Variants in COL4A2 observed in about 807,000 individuals in gnomAD.
COL4A2 encodes the protein collagen alpha-2(IV) chain.
A neutral mutation model predicts 200.2 loss-of-function variants in COL4A2; 99 were observed. That is an observed-to-expected ratio of 0.49 (90% confidence interval 0.42 to 0.58). The LOEUF (loss-of-function observed/expected upper bound fraction) is 0.58. Among genes scored for constraint, COL4A2 ranks in the 20% least tolerant of loss-of-function variants. The pLI, the probability that COL4A2 is intolerant of heterozygous loss-of-function variation, is 0.00. For missense variants in COL4A2, 1,950 were observed against 2,314.1 expected (o/e 0.84, Z 3.23); for synonymous variants, 897 against 900.6 (o/e 1.00, Z 0.07).
chr13:110,450,228 C>G, intron 19 of COL4A2, 77 bp from the exon 20 acceptor site: 1 of 1,302,880 alleles, frequency 7.7e-7, no homozygotes, highest in South Asian at 1.3e-5. Context: ...CCCCAGTGGG[C>G]CCCTCTGGAC....
chr13:110,506,702 G>A (rs895664681), intron 46 of COL4A2, 96 bp downstream of exon 46: 12 of 1,304,550 alleles, frequency 9.2e-6, no homozygotes, highest in African/African-American at 1.5e-5. Context: ...AACCCTCCAC[G>A]GCTGGTAAGT....
chr13:110,448,677 GAGA>G (rs1194024104), intron 18 of COL4A2, among the ~76,000 whole-genome samples: 3 of 152,006 alleles, frequency 2.0e-5, no homozygotes, highest in Admixed American at 6.6e-5. Flanking sequence ...CCAAACAAGT[GAGA>G]AGGTCTGTGG....
At chr13:110,481,638 T>A (rs374951982) in intron 31 of COL4A2, among the ~76,000 whole-genome samples, 14 of 79,476 alleles carry the variant, frequency 1.8e-4, no homozygotes, top group East Asian at 3.7e-4. Flanking sequence ...GGAGACACAC[T>A]GTTCTGTCCT....
At chr13:110,326,171 A>G (rs1885406040) in intron 3 of COL4A2, among the ~76,000 whole-genome samples, 1 of 152,216 alleles carries the variant, frequency 6.6e-6, no homozygotes, top group Admixed American at 6.5e-5. Flanking sequence ...CTCGGAGTTC[A>G]AATTCATCTC....
At chr13:110,386,416 G>T (rs1878753154) in intron 4 of COL4A2, among the ~76,000 whole-genome samples, 1 of 152,142 alleles carries the variant, frequency 6.6e-6, no homozygotes, top group African/African-American at 2.4e-5. Context: ...AAGTAGGATG[G>T]CTCCTGGGGA....
At position 110,474,656 on chromosome 13, in the gene COL4A2, TCA is replaced by T. The variant is rs202163642; in HGVS notation, c.2425+1511_2425+1512del. On this transcript the variant is annotated intron_variant, in intron 29 of 47. Coordinates refer to ENST00000360467, the MANE Select transcript of COL4A2 (RefSeq NM_001846.4). ...TACCTACACACGTGCCTATGCATGC[TCA>T]CACATGATCACACTCCTTACACACG... Among the ~76,000 whole-genome samples the T allele has an allele frequency of 5.8e-3, 881 of 151,206 alleles. 48 individuals carry two copies. Among genetic ancestry groups the T allele is most frequent in the African/African-American group, 0.018 (736 of 41,102 alleles).
rs1365329636 is a variant in COL4A2 at position 110,485,842 on chromosome 13, TG to T, written c.3207+9del. The T allele has an allele frequency of 1.5e-5, 25 of 1,613,176 alleles. No homozygotes were observed. The highest frequency in any genetic ancestry group is 2.0e-5 in the Non-Finnish European group (24 of 1,179,714). The stretch of plus-strand genomic sequence containing the variant: ...CAGGATTCATAGGAAGCCGGGTGAG[TG>T]GGCGTCTTTTACTCCCCTTGTTCTG... On this transcript the variant is annotated splice_region_variant and intron_variant, in intron 34 of 47. Transcript: ENST00000360467.
chr13:110,451,234 G>A (rs1036361185), intron 20 of COL4A2, among the ~76,000 whole-genome samples: 9 of 152,214 alleles, frequency 5.9e-5, no homozygotes, highest in African/African-American at 1.9e-4. Flanking sequence ...TGTTCTTTCA[G>A]CTTCAGCATT....
At chr13:110,475,725 G>A (rs377078474) in intron 29 of COL4A2, among the ~76,000 whole-genome samples, 2 of 152,176 alleles carry the variant, frequency 1.3e-5, no homozygotes, top group Non-Finnish European at 2.9e-5. Context: ...GCTTCCATTC[G>A]ACTGGCTGTG....
intron 4 of COL4A2, among the ~76,000 whole-genome samples, chr13:110,381,187 G>A (rs1013804438): frequency 6.8e-6 from 1 of 146,212 alleles, no homozygotes; most frequent in African/African-American, 2.6e-5. Context: ...TCACATCCTC[G>A]GTCTCTATCT....
chr13:110,400,774 A>G (rs1429149630), intron 4 of COL4A2, among the ~76,000 whole-genome samples: 2 of 152,234 alleles, frequency 1.3e-5, no homozygotes, highest in Non-Finnish European at 2.9e-5. Context: ...TGCTTCCTAT[A>G]GAGATTTCCT....
chr13:110,485,496 C>A (rs1352393726), intron 33 of COL4A2, among the ~76,000 whole-genome samples, 159 bp from the exon 34 acceptor site: 1 of 142,250 alleles, frequency 7.0e-6, no homozygotes, highest in East Asian at 2.1e-4. Context: ...GCACTCCAGC[C>A]TGGGCGACAG....
chr13:110,407,753 A>G (rs1879626731), intron 4 of COL4A2, among the ~76,000 whole-genome samples: 1 of 152,156 alleles, frequency 6.6e-6, no homozygotes, highest in South Asian at 2.1e-4. Flanking sequence ...CTTGGCGGAA[A>G]GCCCAGTGGA....
chr13:110,444,333 T>C (rs1881244146), intron 16 of COL4A2, among the ~76,000 whole-genome samples: 1 of 152,222 alleles, frequency 6.6e-6, no homozygotes, highest in Admixed American at 6.5e-5. Context: ...CAGGGCACCC[T>C]CTGAGCTGGC....
At chr13:110,391,837 G>A (rs993503390) in intron 4 of COL4A2, among the ~76,000 whole-genome samples, 4 of 152,148 alleles carry the variant, frequency 2.6e-5, no homozygotes, top group African/African-American at 7.2e-5. Context: ...CAGTGTTCCC[G>A]GCTGGCAGGT....
rs138734449 is a variant in COL4A2 at position 110,447,601 on chromosome 13, G to A, written c.1078+737G>A. On this transcript the variant is annotated intron_variant, in intron 18 of 47. Transcript: ENST00000360467. ...TTTCGAGAACCTCCTCCTGATAATCGTGCGTATATATCTTTGCGGATCATT... is the reference window on the plus strand; with the variant it reads ...TTTCGAGAACCTCCTCCTGATAATCATGCGTATATATCTTTGCGGATCATT... Among the ~76,000 whole-genome samples, 43 of 152,112 alleles carry A rather than the reference G, an allele frequency of 2.8e-4. No homozygotes were observed. In the East Asian group the frequency reaches 7.5e-3, roughly 27 times the overall value.
At chr13:110,459,964 C>T (rs907707823) in intron 22 of COL4A2, among the ~76,000 whole-genome samples, 2 of 152,142 alleles carry the variant, frequency 1.3e-5, no homozygotes, top group Non-Finnish European at 2.9e-5. Flanking sequence ...GCAAAGGTCA[C>T]CTGCAGCAGA....
intron 4 of COL4A2, among the ~76,000 whole-genome samples, chr13:110,375,016 G>T (rs1357375452): frequency 6.6e-6 from 1 of 152,096 alleles, no homozygotes; most frequent in African/African-American, 2.4e-5. Flanking sequence ...CTTTACTGGG[G>T]CCCTTTTACT....
rs754604565 is a variant in COL4A2 at position 110,462,330 on chromosome 13, T to C, written c.1722T>C (p.Asp574=). ...GTGTGCCCGGGATGAAAGGTGACGATGGCAGCCCAGGCCGCGATGGGCTCG... is the reference window on the plus strand; with the variant it reads ...GTGTGCCCGGGATGAAAGGTGACGACGGCAGCCCAGGCCGCGATGGGCTCG... ...VPGVPGMKGD[D]GSPGRDGLDG... The change falls in exon 24 of 48, where the codon GAT becomes GAC. Residue 574 remains aspartate (D), a synonymous_variant. Transcript: ENST00000360467. The C allele has an allele frequency of 3.1e-6, 5 of 1,614,138 alleles. No individual in the cohort carries two copies. Among genetic ancestry groups the C allele is most frequent in the Non-Finnish European group, 4.2e-6 (5 of 1,180,034 alleles).
Sources: allele counts gnomAD v4.1 joint callset (sites outside exome capture counted in the v4.1 genomes callset), GRCh38; gene constraint gnomAD v4.1.1; transcripts MANE v1.5; gene names NCBI Gene and HGNC (gene_info 2026-07-23, HGNC 2026-07-21).